Variants in CSPP1 observed in about 807,000 individuals in gnomAD.
CSPP1 encodes centrosome and spindle pole-associated protein 1.
In CSPP1, 126 loss-of-function variants were observed where a neutral mutation model predicts 164.4. The ratio of observed to expected loss-of-function variants is 0.77; its 90% confidence interval spans 0.66 to 0.89. CSPP1 has a LOEUF of 0.89. Among genes scored for constraint, CSPP1 ranks in the 40% least tolerant of loss-of-function variants. CSPP1 has a pLI of 0.00. For missense variants in CSPP1, 1,395 were observed against 1,449.8 expected, an observed-to-expected ratio of 0.96 and a Z score of 0.61; for synonymous variants, 472 against 476.7, an observed-to-expected ratio of 0.99 and a Z score of 0.13.
Position 67,195,724 on chromosome 8 carries a change from T to A in CSPP1, c.*131T>A. 1 of 667,550 alleles carries A rather than the reference T, an allele frequency of 1.5e-6. No homozygotes were observed. The highest frequency in any genetic ancestry group is 2.9e-5 in the Admixed American group (1 of 34,586). The allele number at this position is 667,550 out of a possible 1,614,324, so 41.4% of individuals were successfully genotyped here. A position where few individuals can be genotyped will look rare whatever the true frequency, so the allele number is the denominator to read the frequency against. ...TTCCATCATCTGTATATAAAATTATTTTTATCATGATGTATATTATGTACA... is the reference window on the plus strand; with the variant it reads ...TTCCATCATCTGTATATAAAATTATATTTATCATGATGTATATTATGTACA... On this transcript the variant is annotated 3_prime_UTR_variant, in exon 31 of 31. Coordinates refer to ENST00000678616, the MANE Select transcript of CSPP1 (RefSeq NM_001382391.1).
At position 67,195,794 on chromosome 8, in the gene CSPP1, A is replaced by C; in HGVS notation, c.*201A>C. The stretch of plus-strand genomic sequence containing the variant: ...ATTGATTTATATAATAGAATTGTAT[A>C]GATTATTTTTGCACAGTTTTGTCAT... On this transcript the variant is annotated 3_prime_UTR_variant, in exon 31 of 31. Coordinates refer to ENST00000678616, the MANE Select transcript of CSPP1 (RefSeq NM_001382391.1). The C allele has an allele frequency of 1.8e-6, 1 of 542,452 alleles. No individual in the cohort carries two copies. The highest frequency in any genetic ancestry group is 3.3e-6 in the Non-Finnish European group (1 of 303,518). 33.6% of individuals were successfully genotyped at this position (542,452 alleles called of 1,614,324 possible). A position where few individuals can be genotyped will look rare whatever the true frequency, so the allele number is the denominator to read the frequency against.
chr8:67,115,829 GC>G, intron 12 of CSPP1, 84 bp from the exon 13 acceptor site: 1 of 903,778 alleles, frequency 1.1e-6, no homozygotes, highest in Admixed American at 2.0e-5. Context: ...TTAAGTGCCT[GC>G]TGGGATAGGA....
intron 26 of CSPP1, among the ~76,000 whole-genome samples, chr8:67,175,845 T>A: frequency 6.6e-6 from 1 of 152,202 alleles, no homozygotes; most frequent in East Asian, 1.9e-4. Context: ...TAAGTTTTGA[T>A]GTGGCGTAAA....
At position 67,165,055 on chromosome 8, in the gene CSPP1, T is replaced by C. The variant is rs182842981; in HGVS notation, c.2828+547T>C. On this transcript the variant is annotated intron_variant, in intron 24 of 30. Coordinates refer to ENST00000678616, the MANE Select transcript of CSPP1 (RefSeq NM_001382391.1). Reference sequence around the variant, plus strand: ...TCCCAGCACTTTTGGGAGGCCAAGGTGGGCGGATCACGAGGTCAGGAGATC... The same window carrying C: ...TCCCAGCACTTTTGGGAGGCCAAGGCGGGCGGATCACGAGGTCAGGAGATC... Among the ~76,000 whole-genome samples, 38 of 152,286 alleles carry C rather than the reference T, an allele frequency of 2.5e-4. 2 individuals carry two copies. The highest frequency in any genetic ancestry group is 3.4e-3 in the Middle Eastern group (1 of 294).
In CSPP1 at chr8:67,116,080, G is replaced by A. The variant is rs767353646; in HGVS notation, c.1454G>A (p.Arg485His). 3 of 1,614,046 alleles carry A rather than the reference G, an allele frequency of 1.9e-6. No individual in the cohort carries two copies. The highest frequency in any genetic ancestry group is 1.7e-5 in the Admixed American group (1 of 59,996). The change falls in exon 13 of 31, where the codon CGC becomes CAC. Residue 485 changes from arginine to histidine, a missense_variant. By Grantham distance (29) the Arg-to-His change is conservative. Transcript: ENST00000678616. ...HPVPSQNEDL[R>H]SGLSSALGEM... ...GTTCCTTCTCAAAATGAAGATTTGC[G>A]CAGTGGACTCAGCAGCGCCCTTGGT...
chr8:67,152,568 C>G (rs942300970), intron 18 of CSPP1, among the ~76,000 whole-genome samples: 7 of 152,206 alleles, frequency 4.6e-5, no homozygotes, highest in Non-Finnish European at 1.0e-4. Context: ...AAAAGGACTT[C>G]TCTTGTCTGT....
At chr8:67,086,960 C>T (rs534839509) in intron 4 of CSPP1, 20 of 489,506 alleles carry the variant, frequency 4.1e-5, no homozygotes, top group African/African-American at 6.2e-5. Flanking sequence ...ATTAGGAAAA[C>T]GGGTTCATTT....
intron 15 of CSPP1, among the ~76,000 whole-genome samples, chr8:67,124,057 G>A (rs1275092971): frequency 2.6e-5 from 4 of 151,290 alleles, no homozygotes; most frequent in Non-Finnish European, 5.9e-5. Flanking sequence ...CCGCCACCAC[G>A]CCTGGCTAAT....
At chr8:67,121,713 A>G (rs1354280147) in intron 15 of CSPP1, among the ~76,000 whole-genome samples, 6 of 152,102 alleles carry the variant, frequency 3.9e-5, no homozygotes, top group African/African-American at 1.4e-4. Context: ...AACTTTTTGA[A>G]AAAGTTTGAG....
chr8:67,144,818 CA>C (rs1340152706), intron 17 of CSPP1, among the ~76,000 whole-genome samples: 1 of 151,732 alleles, frequency 6.6e-6, no homozygotes, highest in Non-Finnish European at 1.5e-5. Context: ...CCTGTAATCC[CA>C]GCACATTGGG....
intron 28 of CSPP1, among the ~76,000 whole-genome samples, chr8:67,184,788 C>T (rs1834021797): frequency 7.0e-6 from 1 of 142,512 alleles, no homozygotes; most frequent in South Asian, 2.2e-4. Context: ...GGGCATATCA[C>T]TACAGGTCCC....
intron 30 of CSPP1, 102 bp from the exon 31 acceptor site, chr8:67,195,280 G>A: frequency 1.3e-6 from 1 of 783,802 alleles, no homozygotes; most frequent in Admixed American, 1.8e-5. Flanking sequence ...GAGACTGTGG[G>A]GAAATGCTGA....
At chr8:67,145,562 C>T (rs1305994652) in intron 17 of CSPP1, among the ~76,000 whole-genome samples, 7 of 150,302 alleles carry the variant, frequency 4.7e-5, no homozygotes, top group Non-Finnish European at 7.4e-5. Context: ...CTCTCTGTGT[C>T]GCCCAGGTTG....
chr8:67,122,735 G>A (rs1191588528), intron 15 of CSPP1, among the ~76,000 whole-genome samples: 2 of 152,008 alleles, frequency 1.3e-5, no homozygotes, highest in Non-Finnish European at 2.9e-5. Context: ...TTCTATAAGT[G>A]TCTCTTAGAT....
Position 67,064,446 on chromosome 8 carries a change from C to A in CSPP1, c.-103C>A. ...CCGCTGTAACCTCTTCGGTCCGCGA[C>A]GATCCTCTAGAGCACTGTGTGTCTC... On this transcript the variant is annotated 5_prime_UTR_variant, in exon 1 of 31. Transcript: ENST00000678616. 1 of 1,613,962 alleles carries A rather than the reference C, an allele frequency of 6.2e-7. No individual in the cohort carries two copies. Among genetic ancestry groups the A allele is most frequent in the Non-Finnish European group, 8.5e-7 (1 of 1,179,908 alleles).
rs118141107 is a variant in CSPP1, at chr8:67,176,162, G to A, written c.3109+726G>A. On this transcript the variant is annotated intron_variant, in intron 26 of 30. Transcript: ENST00000678616. Reference sequence around the variant, plus strand: ...ACTGATGGGCCCTGACGATAGCCAGGTGTACTGCATGGCCTTCCCATCTGT... The same window carrying A: ...ACTGATGGGCCCTGACGATAGCCAGATGTACTGCATGGCCTTCCCATCTGT... 2.3e-4 allele frequency among the ~76,000 whole-genome samples: 35 copies of A among 152,226 alleles called. No homozygotes were observed. In the East Asian group the frequency reaches 6.8e-3, roughly 29 times the overall value.
At chr8:67,122,053 T>A (rs181547106) in intron 15 of CSPP1, among the ~76,000 whole-genome samples, 1 of 151,956 alleles carries the variant, frequency 6.6e-6, no homozygotes, top group Admixed American at 6.5e-5. Flanking sequence ...TTTATTTATT[T>A]ATTTTTCTGA....
chr8:67,177,549 A>G, intron 26 of CSPP1, 131 bp from the exon 27 acceptor site: 1 of 614,528 alleles, frequency 1.6e-6, no homozygotes. Flanking sequence ...TATCTTTAAA[A>G]TACTCTGAAG....
intron 22 of CSPP1, 92 bp from the exon 23 acceptor site, chr8:67,163,640 C>T: frequency 2.2e-6 from 2 of 907,512 alleles, no homozygotes; most frequent in Non-Finnish European, 3.4e-6. Flanking sequence ...GTTTGGTTTC[C>T]TTTACATATA....
Sources: allele counts gnomAD v4.1 joint callset (sites outside exome capture counted in the v4.1 genomes callset), GRCh38; gene constraint gnomAD v4.1.1; transcripts MANE v1.5; gene names NCBI Gene and HGNC (gene_info 2026-07-23, HGNC 2026-07-21).